C2orf68: variants seen among roughly 807,000 people sequenced by gnomAD.
C2orf68 encodes the protein UPF0561 protein C2orf68.
A neutral mutation model predicts 19.1 loss-of-function variants in C2orf68; 15 were observed. The observed-to-expected ratio is 0.79, with a 90% confidence interval of 0.53 to 1.21. The LOEUF is 1.21. C2orf68 is among the 50% of genes most tolerant of loss of function. The probability of loss-of-function intolerance (pLI) is 0.00; values close to 1 mark genes in which losing one functional copy is unlikely to be tolerated. For missense variants in C2orf68, 242 were observed against 226.6 expected (o/e 1.07, Z -0.44); for synonymous variants, 98 against 91.0 (o/e 1.08, Z -0.44).
At position 85,612,057 on chromosome 2, in the gene C2orf68, G is replaced by A. The variant is rs1033270316; in HGVS notation, c.-73C>T. The A allele has an allele frequency of 4.1e-5, 48 of 1,173,650 alleles. No individual in the cohort carries two copies. Among genetic ancestry groups the A allele is most frequent in the Middle Eastern group, 2.8e-4 (1 of 3,558 alleles). 72.7% of individuals were successfully genotyped at this position (1,173,650 alleles called of 1,614,324 possible). ...CAGCCACCCGCCCACAGAGCTCCGC[G>A]CCGCCCCTTGCTCAGCTTCCGGCCC... On this transcript the variant is annotated 5_prime_UTR_variant, in exon 1 of 4. Coordinates refer to ENST00000306336, the MANE Select transcript of C2orf68 (RefSeq NM_001013649.4).
rs1558840617 is a variant in C2orf68 at position 85,611,746 on chromosome 2, T to C, written c.148A>G (p.Lys50Glu). Residue 50 changes from lysine to glutamate, a missense_variant, in exon 2 of 4, where the codon AAG becomes GAG. Lys to Glu is a moderately conservative substitution (Grantham distance 56, BLOSUM62 1). Transcript: ENST00000306336. ...GCGGGCGTGTGCCGCCTCCTCACCT[T>C]CTCCTTGGCCGCCTGCTTCACCTTC... ...DKKVKQAAKE[K>E]VRRRHTPAPT... is the part of the protein sequence containing the mutation. The C allele has an allele frequency of 2.5e-6, 4 of 1,611,316 alleles. No individual in the cohort carries two copies. The highest frequency in any genetic ancestry group is 2.2e-5 in the South Asian group (2 of 90,864).
chr2:85,611,692 G>T lies in C2orf68; in HGVS notation c.202C>A (p.Gln68Lys). 1 of 1,577,732 alleles carries T rather than the reference G, an allele frequency of 6.3e-7. No individual in the cohort carries two copies. The highest frequency in any genetic ancestry group is 8.6e-7 in the Non-Finnish European group (1 of 1,162,856). The change falls in exon 2 of 4, where the codon CAG becomes AAG. Residue 68 changes from glutamine (Q) to lysine (K), a missense_variant. Physicochemically the swap from Gln to Lys is moderately conservative, Grantham distance 53. Coordinates refer to ENST00000306336, the MANE Select transcript of C2orf68 (RefSeq NM_001013649.4). Reference sequence around the variant, plus strand: ...CCTCGGTGTCGCGGCAGGTACACCTGCAGGTCTGGCTTGCGGGGCCGCGTC... The same window carrying T: ...CCTCGGTGTCGCGGCAGGTACACCTTCAGGTCTGGCTTGCGGGGCCGCGTC... Reference protein sequence around the residue: ...APTRPRKPDLQVYLPRHRDVS... With the variant: ...APTRPRKPDLKVYLPRHRDVS...
Position 85,607,869 on chromosome 2 carries a change from T to G in C2orf68, c.*1076A>C, listed in dbSNP as rs985620479. The G allele has an allele frequency of 6.6e-6, 1 of 152,054 alleles. No individual in the cohort carries two copies. The highest frequency in any genetic ancestry group is 1.5e-5 in the Non-Finnish European group (1 of 68,000). The allele number at this position is 152,054 out of a possible 1,614,324, so 9.4% of individuals were successfully genotyped here. Reference sequence around the variant, plus strand: ...AAGCCTAACCCTGCATTAGAAAAAATGTTCACCGGGTTAGAGCAGTGGTAT... The same window carrying G: ...AAGCCTAACCCTGCATTAGAAAAAAGGTTCACCGGGTTAGAGCAGTGGTAT... On this transcript the variant is annotated 3_prime_UTR_variant, in exon 4 of 4. Transcript: ENST00000306336.
rs936943059 is a variant in C2orf68, at chr2:85,607,005, G to A, written c.*1940C>T. 1 of 151,644 alleles carries A rather than the reference G, an allele frequency of 6.6e-6. No homozygotes were observed. The highest frequency in any genetic ancestry group is 1.9e-4 in the East Asian group (1 of 5,190). The allele number at this position is 151,644 out of a possible 1,614,324, so 9.4% of individuals were successfully genotyped here. On this transcript the variant is annotated 3_prime_UTR_variant, in exon 4 of 4. Coordinates refer to ENST00000306336, the MANE Select transcript of C2orf68 (RefSeq NM_001013649.4). ...TTTCTGTGTTAGCCAGGACGGTCTGGATCTCCTGATTTCATGATCCGCCCG... is the reference window on the plus strand; with the variant it reads ...TTTCTGTGTTAGCCAGGACGGTCTGAATCTCCTGATTTCATGATCCGCCCG...
chr2:85,611,352 T>A, intron 2 of C2orf68: 2 of 1,442,318 alleles, frequency 1.4e-6, no homozygotes, highest in Non-Finnish European at 9.1e-7. Context: ...TGGTCGCTCA[T>A]CGCTGTGCCA....
At position 85,606,284 on chromosome 2, in the gene C2orf68, C is replaced by T. The variant is rs1673211035; in HGVS notation, c.*2661G>A. Among the ~76,000 whole-genome samples, 1 of 152,226 alleles carries T rather than the reference C, an allele frequency of 6.6e-6. No individual in the cohort carries two copies. On this transcript the variant is annotated 3_prime_UTR_variant, in exon 4 of 4. Transcript: ENST00000306336. ...CTAATGCTGTTGCCACTGTACGCCA[C>T]AGCACCGGACAGTGTTCTTTGGGAC...
chr2:85,609,613 G>C (rs754429802), intron 2 of C2orf68, 27 bp from the exon 3 acceptor site: 9 of 1,612,762 alleles, frequency 5.6e-6, no homozygotes, highest in Middle Eastern at 3.4e-4. Flanking sequence ...CAGTAAGAAA[G>C]AAGAGGGGGG....
Position 85,611,992 on chromosome 2 carries a change from CG to C in C2orf68, c.-9del. 6.6e-7 allele frequency: 1 copy of C among 1,520,348 alleles called. No homozygotes were observed. Among genetic ancestry groups the C allele is most frequent in the Non-Finnish European group, 8.7e-7 (1 of 1,145,636 alleles). The allele number at this position is 1,520,348 out of a possible 1,614,324, so 94.2% of individuals were successfully genotyped here. A position where few individuals can be genotyped will look rare whatever the true frequency, so the allele number is the denominator to read the frequency against. On this transcript the variant is annotated 5_prime_UTR_variant, in exon 1 of 4. Transcript: ENST00000306336. ...ATGCGGCCCCGCCTCCATCAGGAGC[CG>C]GGGACGCAGAGTCGCCGCCGCCTCG...
At chr2:85,611,421 C>T (rs1444318211) in intron 2 of C2orf68, 2 of 1,512,096 alleles carry the variant, frequency 1.3e-6, no homozygotes, top group African/African-American at 1.4e-5. Flanking sequence ...GTGGGGCAAA[C>T]CGGCAGATAA....
chr2:85,611,235 A>G (rs1673499804), intron 2 of C2orf68: 4 of 1,327,330 alleles, frequency 3.0e-6, no homozygotes, highest in Admixed American at 3.7e-5. Flanking sequence ...TAAAAAAAGT[A>G]ATAATGCTTA....
rs768311573 is a variant in C2orf68, at chr2:85,609,037, C to A, written c.409G>T (p.Val137Leu). Residue 137 changes from valine to leucine, a missense_variant, in exon 4 of 4, where the codon GTG (valine) becomes TTG (leucine). By Grantham distance (32) the Val-to-Leu change is conservative. Transcript: ENST00000306336. ...GGATCCAGAGGCGTGTGTGCCGACA[C>A]CTTCTCACTCACCTTTCCTGGGTCA... ...GDDPGKVSEK[V>L]SAHTPLDPPM... The A allele has an allele frequency of 3.1e-6, 5 of 1,614,122 alleles. No homozygotes were observed. In the African/African-American group the frequency reaches 6.7e-5, roughly 22 times the overall value.
At position 85,609,445 on chromosome 2, in the gene C2orf68, A is replaced by G. The variant is rs1673360733; in HGVS notation, c.368T>C (p.Ile123Thr). The G allele has an allele frequency of 2.5e-6, 4 of 1,614,108 alleles. No individual in the cohort carries two copies. The African/African-American group carries it at 5.3e-5, about 22-fold the overall frequency. The change falls in exon 3 of 4, where the codon ATC (isoleucine) becomes ACC (threonine). Residue 123 changes from isoleucine to threonine, a missense_variant. Transcript: ENST00000306336. ...EADSGEVTSV[I>T]VYQGDDPGKV... ...TTCCACCAGGCGTACCTGATAGACG[A>G]TAACTGATGTGACCTCTCCACTGTC...
At chr2:85,611,827 G>T in intron 1 of C2orf68, 41 bp from the exon 2 acceptor site, 1 of 1,605,288 alleles carries the variant, frequency 6.2e-7, no homozygotes, top group Non-Finnish European at 8.5e-7. Flanking sequence ...GTCGGGCCGG[G>T]CCAGGCCAGG....
At position 85,606,241 on chromosome 2, in the gene C2orf68, T is replaced by C. The variant is rs903726477; in HGVS notation, c.*2704A>G. ...ATGAGCGGATTCTAAAGCAGCCTGCTGGGATGTTCCACTTAGTCTAATGCT... is the reference window on the plus strand; with the variant it reads ...ATGAGCGGATTCTAAAGCAGCCTGCCGGGATGTTCCACTTAGTCTAATGCT... On this transcript the variant is annotated 3_prime_UTR_variant, in exon 4 of 4. Coordinates refer to ENST00000306336, the MANE Select transcript of C2orf68 (RefSeq NM_001013649.4). Among the ~76,000 whole-genome samples the C allele has an allele frequency of 3.9e-5, 6 of 152,262 alleles. No individual in the cohort carries two copies. The highest frequency in any genetic ancestry group is 3.8e-4 in the East Asian group (2 of 5,208).
rs1414823256 is a variant in C2orf68 at position 85,611,456 on chromosome 2, C to CT, written c.226+211dup. 2.8e-5 allele frequency: 43 copies of CT among 1,543,946 alleles called. 1 individual carries two copies. Among genetic ancestry groups the CT allele is most frequent in the South Asian group, 1.2e-5 (1 of 83,106 alleles). On this transcript the variant is annotated intron_variant, in intron 2 of 3. Transcript: ENST00000306336. ...AACTTCTTGCTGGCTCCCCGATACT[C>CT]TGACAGCGATGCTTAACTGGGGGCT...
In C2orf68 at chr2:85,611,468, C is replaced by A. The variant is rs755311181; in HGVS notation, c.226+200G>T. ...GCTCCCCGATACTCTGACAGCGATG[C>A]TTAACTGGGGGCTTATGAGTCGTCC... On this transcript the variant is annotated intron_variant, in intron 2 of 3. Transcript: ENST00000306336. The A allele has an allele frequency of 2.6e-6, 4 of 1,547,186 alleles. No individual in the cohort carries two copies. The African/African-American group carries it at 4.1e-5, about 16-fold the overall frequency.
chr2:85,611,723 G>C lies in C2orf68; in HGVS notation c.171C>G (p.Pro57=), dbSNP rs899250671. The change falls in exon 2 of 4, where the codon CCC becomes CCG. Residue 57 remains proline (P), a synonymous_variant. Coordinates refer to ENST00000306336, the MANE Select transcript of C2orf68 (RefSeq NM_001013649.4). The part of the protein sequence containing the change: ...AKEKVRRRHT[P]APTRPRKPDL... The stretch of plus-strand genomic sequence containing the variant: ...CTGGCTTGCGGGGCCGCGTCGGCGC[G>C]GGCGTGTGCCGCCTCCTCACCTTCT... 2.7e-5 allele frequency: 43 copies of C among 1,603,724 alleles called. No homozygotes were observed. The highest frequency in any genetic ancestry group is 3.7e-5 in the Non-Finnish European group (43 of 1,176,178).
Position 85,608,850 on chromosome 2 carries a change from A to C in C2orf68, c.*95T>G, listed in dbSNP as rs372058948. 1.6e-3 allele frequency: 2,480 copies of C among 1,545,842 alleles called. 3 individuals carry two copies. The highest frequency in any genetic ancestry group is 2.1e-3 in the Middle Eastern group (12 of 5,584). On this transcript the variant is annotated 3_prime_UTR_variant, in exon 4 of 4. Transcript: ENST00000306336. ...CAGCAGCTCTGGGGGTCTCAAGATCAGACAAACTGGTCCTGGTACCCCCAC... is the reference window on the plus strand; with the variant it reads ...CAGCAGCTCTGGGGGTCTCAAGATCCGACAAACTGGTCCTGGTACCCCCAC...
rs1199507441 is a variant in C2orf68, at chr2:85,608,888, G to A, written c.*57C>T. On this transcript the variant is annotated 3_prime_UTR_variant, in exon 4 of 4. Transcript: ENST00000306336. ...CTGGTACCCCCACACTAAATTCCCT[G>A]GGCAGAATTCTTCCGAGTGCAGTGA... The A allele has an allele frequency of 5.6e-6, 9 of 1,599,968 alleles. No individual in the cohort carries two copies. Among genetic ancestry groups the A allele is most frequent in the Non-Finnish European group, 7.7e-6 (9 of 1,170,146 alleles).
Sources: allele counts gnomAD v4.1 joint callset (sites outside exome capture counted in the v4.1 genomes callset), GRCh38; gene constraint gnomAD v4.1.1; transcripts MANE v1.5; gene names NCBI Gene and HGNC (gene_info 2026-07-23, HGNC 2026-07-21).